The following RBFOX1 variants were observed in gnomAD, a reference collection of about 807,000 sequenced individuals.
RBFOX1 encodes RNA binding fox-1 homolog 1.
RBFOX1 carries 8 observed loss-of-function variants against 57.7 expected under a neutral mutation model. The ratio of observed to expected loss-of-function variants is 0.14; its 90% CI spans 0.08 to 0.25. The LOEUF is 0.25. Among genes scored for constraint, RBFOX1 ranks in the 10% least tolerant of loss-of-function variants. The pLI is 1.00. For missense variants in RBFOX1, 611 were observed against 548.5 expected, an observed-to-expected ratio of 1.11 and a Z score of -1.14; for synonymous variants, 326 against 222.4, an observed-to-expected ratio of 1.47 and a Z score of -4.15.
At chr16:7,020,244 T>A (rs1345812893) in intron 3 of RBFOX1, among the ~76,000 whole-genome samples, 1 of 152,176 alleles carries the variant, frequency 6.6e-6, no homozygotes, top group African/African-American at 2.4e-5. Flanking sequence ...CCTCTTTTTT[T>A]AGACAGAATC....
At chr16:7,173,599 A>C (rs956683564) in intron 4 of RBFOX1, among the ~76,000 whole-genome samples, 1 of 152,148 alleles carries the variant, frequency 6.6e-6, no homozygotes, top group Non-Finnish European at 1.5e-5. Context: ...TTACACTTCA[A>C]CTGCAATATT....
intron 10 of RBFOX1, among the ~76,000 whole-genome samples, chr16:7,610,043 C>G (rs1350393607): frequency 6.6e-6 from 1 of 150,468 alleles, no homozygotes; most frequent in Non-Finnish European, 1.5e-5. Flanking sequence ...GTCTCCATCT[C>G]CTGACCTCAT....
At chr16:5,720,715 C>A (rs560572210) in intron 3 of RBFOX1, among the ~76,000 whole-genome samples, 1 of 152,016 alleles carries the variant, frequency 6.6e-6, no homozygotes, top group East Asian at 1.9e-4. Context: ...CCCTTTATGC[C>A]CTCGTCAAAA....
intron 4 of RBFOX1, among the ~76,000 whole-genome samples, chr16:7,246,314 C>G (rs2094296670): frequency 6.6e-6 from 1 of 152,178 alleles, no homozygotes; most frequent in African/African-American, 2.4e-5. Flanking sequence ...AGCACCCTCC[C>G]TGGATTCCCT....
intron 4 of RBFOX1, among the ~76,000 whole-genome samples, chr16:7,119,746 G>T (rs1437046146): frequency 6.6e-6 from 1 of 152,024 alleles, no homozygotes; most frequent in African/African-American, 2.4e-5. Context: ...AAGAGAAATG[G>T]AGAGTCTACA....
chr16:6,959,103 C>T (rs1457361459), intron 3 of RBFOX1, among the ~76,000 whole-genome samples: 1 of 152,036 alleles, frequency 6.6e-6, no homozygotes, highest in African/African-American at 2.4e-5. Flanking sequence ...TTTCTTTTTT[C>T]TATCGGCTTT....
At chr16:6,543,728 C>G (rs1052435934) in intron 2 of RBFOX1, among the ~76,000 whole-genome samples, 2 of 152,144 alleles carry the variant, frequency 1.3e-5, no homozygotes, top group Non-Finnish European at 2.9e-5. Context: ...GAGGTTCACA[C>G]CGAAGCATCT....
chr16:5,888,826 G>C (rs567951721), intron 4 of RBFOX1, among the ~76,000 whole-genome samples: 7 of 141,908 alleles, frequency 4.9e-5, no homozygotes, highest in South Asian at 2.3e-4. Context: ...AAAAAAAGTT[G>C]TTGAATTAAA....
chr16:5,820,492 C>G (rs1040986812), intron 3 of RBFOX1, among the ~76,000 whole-genome samples: 3 of 152,144 alleles, frequency 2.0e-5, no homozygotes, highest in Admixed American at 6.5e-5. Flanking sequence ...GCTGCCCGCA[C>G]GTTTCTAGCC....
At chr16:5,990,943 C>A (rs1225753375) in intron 4 of RBFOX1, among the ~76,000 whole-genome samples, 2 of 152,126 alleles carry the variant, frequency 1.3e-5, no homozygotes, top group Non-Finnish European at 2.9e-5. Flanking sequence ...CACTGAACTC[C>A]AGCCTGGGCC....
At chr16:7,155,635 A>C (rs2152323050) in intron 4 of RBFOX1, among the ~76,000 whole-genome samples, 1 of 145,116 alleles carries the variant, frequency 6.9e-6, no homozygotes. Context: ...AAATACCAAT[A>C]TTCCCAGGAA....
At chr16:6,620,930 A>C (rs1226770051) in intron 2 of RBFOX1, among the ~76,000 whole-genome samples, 1 of 152,224 alleles carries the variant, frequency 6.6e-6, no homozygotes, top group East Asian at 1.9e-4. Context: ...TTAAAACAAC[A>C]AAATTTTATT....
intron 4 of RBFOX1, among the ~76,000 whole-genome samples, chr16:7,099,324 T>C (rs550460903): frequency 3.0e-4 from 46 of 152,258 alleles, no homozygotes; most frequent in African/African-American, 1.1e-3. Flanking sequence ...CTGGCTGGTG[T>C]AAACTCATTT....
At chr16:6,601,331 T>C (rs1448729924) in intron 2 of RBFOX1, among the ~76,000 whole-genome samples, 1 of 152,188 alleles carries the variant, frequency 6.6e-6, no homozygotes, top group African/African-American at 2.4e-5. Flanking sequence ...TCATGAACTT[T>C]CATTAGAGTT....
At chr16:5,382,813 ATC>A (rs2151394800) in intron 1 of RBFOX1, among the ~76,000 whole-genome samples, 1 of 152,364 alleles carries the variant, frequency 6.6e-6, no homozygotes, top group East Asian at 1.9e-4. Flanking sequence ...ACTGTGGTTT[ATC>A]TCTCTGAATC....
intron 14 of RBFOX1, among the ~76,000 whole-genome samples, chr16:7,695,963 G>A (rs28631652): frequency 6.6e-6 from 1 of 152,156 alleles, no homozygotes; most frequent in Admixed American, 6.5e-5. Flanking sequence ...CAGGGGCTTC[G>A]GGTGGAGATA....
intron 1 of RBFOX1, among the ~76,000 whole-genome samples, chr16:6,206,932 C>A (rs2344666): frequency 6.6e-6 from 1 of 151,950 alleles, no homozygotes; most frequent in Non-Finnish European, 1.5e-5. Context: ...TGGTGAGCAC[C>A]TTGTAATACA....
At chr16:6,883,857 A>G (rs2063436166) in intron 3 of RBFOX1, among the ~76,000 whole-genome samples, 1 of 150,900 alleles carries the variant, frequency 6.6e-6, no homozygotes, top group Admixed American at 6.6e-5. Context: ...TGTCCTTTGT[A>G]GTAGCCAAAA....
chr16:6,367,215 G>C (rs1259907835), intron 2 of RBFOX1, among the ~76,000 whole-genome samples: 2 of 152,212 alleles, frequency 1.3e-5, no homozygotes, highest in African/African-American at 4.8e-5. Flanking sequence ...TGGACATTAT[G>C]TCACTGTAGG....
Sources: gnomAD v4.1 joint callset for allele counts (sites outside exome capture counted in the v4.1 genomes callset) on GRCh38, gnomAD v4.1.1 for gene constraint, MANE v1.5 for transcripts, NCBI Gene and HGNC (gene_info 2026-07-23, HGNC 2026-07-21) for gene names.